Variants in METAP1 observed in about 807,000 individuals in gnomAD.
METAP1 encodes methionyl aminopeptidase 1.
METAP1 carries 28 observed loss-of-function variants against 53.8 expected under a neutral mutation model. The observed-to-expected ratio is 0.52, with a 90% CI of 0.39 to 0.71. The LOEUF (loss-of-function observed/expected upper bound fraction) is 0.71, where lower values mean the gene tolerates loss of function less well. Among genes scored for constraint, METAP1 ranks in the 30% least tolerant of loss-of-function variants. METAP1 has a pLI of 0.00. For missense variants in METAP1, 389 were observed against 479.8 expected, an observed-to-expected ratio of 0.81 and a Z score of 1.77; for synonymous variants, 181 against 165.7, an observed-to-expected ratio of 1.09 and a Z score of -0.71.
intron 1 of METAP1, chr4:99,023,234 A>G (rs1380208712): frequency 2.5e-5 from 11 of 441,674 alleles, no homozygotes; most frequent in Non-Finnish European, 4.2e-5. Flanking sequence ...ATATTGATGT[A>G]TATCTAAATT....
Position 99,059,555 on chromosome 4 carries a change from C to T in METAP1, c.998-1599C>T, listed in dbSNP as rs1284479258. Among the ~76,000 whole-genome samples, 5 of 151,950 alleles carry T rather than the reference C, an allele frequency of 3.3e-5. No homozygotes were observed. The East Asian group carries it at 9.6e-4, about 29-fold the overall frequency. On this transcript the variant is annotated intron_variant, in intron 10 of 10. Transcript: ENST00000296411. ...TGAGTCCTAGAGGTAATATGTTTCA[C>T]CTAAAGATTACTCAAAATGAAGAAA... is the stretch of plus-strand genomic sequence containing the variant.
chr4:99,000,747 A>G (rs1722883325), intron 1 of METAP1, among the ~76,000 whole-genome samples: 1 of 149,610 alleles, frequency 6.7e-6, no homozygotes, highest in African/African-American at 2.5e-5. Context: ...TGTCAACCCA[A>G]GGTTGAAGTG....
chr4:99,027,471 G>A (rs1043773472), intron 1 of METAP1, among the ~76,000 whole-genome samples: 1 of 151,760 alleles, frequency 6.6e-6, no homozygotes, highest in Admixed American at 6.6e-5. Flanking sequence ...TTCCAGGTGT[G>A]TTGACAGACT....
chr4:99,039,948 A>G (rs1263138480), intron 5 of METAP1, among the ~76,000 whole-genome samples: 1 of 151,904 alleles, frequency 6.6e-6, no homozygotes, highest in African/African-American at 2.4e-5. Flanking sequence ...GCTGGTCTCT[A>G]ACTCCTGACG....
intron 10 of METAP1, among the ~76,000 whole-genome samples, chr4:99,059,670 C>G (rs1727402081): frequency 6.6e-6 from 1 of 151,996 alleles, no homozygotes; most frequent in South Asian, 2.1e-4. Context: ...CTTTCTCATT[C>G]CACCTCTGCT....
intron 6 of METAP1, 132 bp downstream of exon 6, chr4:99,041,258 CTTTG>C: frequency 2.0e-6 from 1 of 494,634 alleles, no homozygotes. Flanking sequence ...CAAATTTTTG[CTTTG>C]TTTCAAATAT....
chr4:99,056,115 A>G (rs963669981), intron 9 of METAP1, among the ~76,000 whole-genome samples: 34 of 152,160 alleles, frequency 2.2e-4, no homozygotes, highest in Non-Finnish European at 4.7e-4. Context: ...TCCTGGAAAG[A>G]GGAGAGTTTA....
chr4:99,045,268 G>T lies in METAP1; in HGVS notation c.745G>T (p.Val249Phe), dbSNP rs1726137895. 6.2e-7 allele frequency: 1 copy of T among 1,613,836 alleles called. No homozygotes were observed. Among genetic ancestry groups the T allele is most frequent in the South Asian group, 1.1e-5 (1 of 91,030 alleles). The stretch of plus-strand genomic sequence containing the variant: ...AGTGGATGATGGAGCACGGAAACTT[G>T]TTCAGACCACATATGAGTGCCTGAT... The part of the protein sequence containing the change: ...GEVDDGARKL[V>F]QTTYECLMQA... Residue 249 changes from valine to phenylalanine, a missense_variant, in exon 8 of 11, where the codon GTT (valine) becomes TTT (phenylalanine). By Grantham distance (50) the Val-to-Phe change is conservative. Coordinates refer to ENST00000296411, the MANE Select transcript of METAP1 (RefSeq NM_015143.3).
At chr4:99,041,226 C>T in intron 6 of METAP1, 100 bp downstream of exon 6, 2 of 709,078 alleles carry the variant, frequency 2.8e-6, no homozygotes, top group South Asian at 6.2e-5. Context: ...TCTAAGGTAA[C>T]TTGGGTAAAC....
intron 4 of METAP1, 123 bp from the exon 5 acceptor site, chr4:99,039,251 T>C: frequency 1.7e-6 from 1 of 581,400 alleles, no homozygotes; most frequent in Non-Finnish European, 3.0e-6. Flanking sequence ...CCATCCCAAA[T>C]CATGAATTAC....
intron 1 of METAP1, among the ~76,000 whole-genome samples, chr4:99,016,976 G>T (rs755348179): frequency 2.0e-5 from 3 of 152,186 alleles, no homozygotes; most frequent in Non-Finnish European, 4.4e-5. Context: ...ATTTCGCTTA[G>T]TTTTTCCTTT....
At chr4:99,022,467 C>T in intron 1 of METAP1, 1 of 610,310 alleles carries the variant, frequency 1.6e-6, no homozygotes, top group Non-Finnish European at 2.9e-6. Context: ...CTTTCCGGGC[C>T]CTCAGTTCCT....
rs1723399346 is a variant in METAP1 at position 99,010,189 on chromosome 4, C to CA, written c.114+14323dup. On this transcript the variant is annotated intron_variant, in intron 1 of 10. Transcript: ENST00000296411. ...TCATCTGAGGCCAGGTGTGGTGCCT[C>CA]ACACCTGTAATCCCTGCACTTTGGG... is the stretch of plus-strand genomic sequence containing the variant. Among the ~76,000 whole-genome samples the CA allele has an allele frequency of 3.9e-5, 6 of 152,304 alleles. No individual in the cohort carries two copies. The South Asian group carries it at 1.2e-3, about 32-fold the overall frequency.
chr4:99,019,919 T>C (rs1165164358), intron 1 of METAP1, among the ~76,000 whole-genome samples: 9 of 152,190 alleles, frequency 5.9e-5, no homozygotes, highest in Non-Finnish European at 1.3e-4. Flanking sequence ...CTTTCTCTTG[T>C]TGTTCATCAA....
Position 99,061,323 on chromosome 4 carries a change from C to T in METAP1, c.*6C>T. The T allele has an allele frequency of 6.2e-7, 1 of 1,610,706 alleles. No homozygotes were observed. Among genetic ancestry groups the T allele is most frequent in the Non-Finnish European group, 8.5e-7 (1 of 1,177,912 alleles). ...ACTTCATGTCTCAATTTTAATTTCT[C>T]CCAAGATGGCACATCTCAGTACCTT... On this transcript the variant is annotated 3_prime_UTR_variant, in exon 11 of 11. Coordinates refer to ENST00000296411, the MANE Select transcript of METAP1 (RefSeq NM_015143.3).
In METAP1 at chr4:99,048,824, G is replaced by C. The variant is rs753405907; in HGVS notation, c.879G>C (p.Gly293=). ...TTTCAGTTGTTCGAAGCTATTGTGGGCATGGAATCCACAAGCTTTTTCATA... is the reference window on the plus strand; with the variant it reads ...TTTCAGTTGTTCGAAGCTATTGTGGCCATGGAATCCACAAGCTTTTTCATA... The part of the protein sequence containing the change: ...NGFSVVRSYC[G]HGIHKLFHTA... Residue 293 remains glycine, a synonymous_variant, in exon 9 of 11, where the codon GGG becomes GGC. Coordinates refer to ENST00000296411, the MANE Select transcript of METAP1 (RefSeq NM_015143.3). 6.2e-7 allele frequency: 1 copy of C among 1,613,954 alleles called. No homozygotes were observed. The highest frequency in any genetic ancestry group is 1.7e-5 in the Admixed American group (1 of 60,020).
chr4:99,053,254 TTTTG>T (rs2110415403), intron 9 of METAP1, among the ~76,000 whole-genome samples: 1 of 152,328 alleles, frequency 6.6e-6, no homozygotes, highest in South Asian at 2.1e-4. Context: ...TTGGTTTTGT[TTTTG>T]TTTGTTTTGA....
chr4:99,023,021 C>T, intron 1 of METAP1: 1 of 1,449,942 alleles, frequency 6.9e-7, no homozygotes, highest in Middle Eastern at 2.3e-4. Context: ...TTCTTGCTGC[C>T]ACAGGCTGCT....
chr4:99,003,137 A>C (rs914448192), intron 1 of METAP1, among the ~76,000 whole-genome samples: 5 of 152,210 alleles, frequency 3.3e-5, no homozygotes. Context: ...GCTATCTGCT[A>C]ATGTGGCATT....
Sources: allele counts gnomAD v4.1 joint callset (sites outside exome capture counted in the v4.1 genomes callset), GRCh38; gene constraint gnomAD v4.1.1; transcripts MANE v1.5; gene names NCBI Gene and HGNC (gene_info 2026-07-23, HGNC 2026-07-21).